DNAJC6: variants seen among roughly 807,000 people sequenced by gnomAD.
DNAJC6 encodes auxilin.
A neutral mutation model predicts 110.0 loss-of-function variants in DNAJC6; 34 were observed. The ratio of observed to expected loss-of-function variants is 0.31; its 90% CI spans 0.24 to 0.41. The LOEUF is 0.41. DNAJC6 is among the 10% of genes least tolerant of loss of function. The probability of loss-of-function intolerance (pLI) is 1.00; values close to 1 mark genes in which losing one functional copy is unlikely to be tolerated. For synonymous variants in DNAJC6, 406 were observed against 437.2 expected (o/e 0.93, Z 0.89); for missense variants, 1,031 against 1,207.8 (o/e 0.85, Z 2.17).
At chr1:65,407,398 A>G (rs566944863) in intron 16 of DNAJC6, among the ~76,000 whole-genome samples, 4 of 152,174 alleles carry the variant, frequency 2.6e-5, no homozygotes, top group Non-Finnish European at 5.9e-5. Flanking sequence ...ACCGCATATC[A>G]TAGGAAGCTG....
chr1:65,316,182 G>T (rs777928797), intron 1 of DNAJC6, among the ~76,000 whole-genome samples: 1 of 152,104 alleles, frequency 6.6e-6, no homozygotes, highest in Non-Finnish European at 1.5e-5. Context: ...GCCCTTTGTG[G>T]CACCTGTGAA....
chr1:65,339,853 A>G (rs866302671), intron 1 of DNAJC6, among the ~76,000 whole-genome samples: 12 of 152,296 alleles, frequency 7.9e-5, no homozygotes, highest in African/African-American at 2.4e-4. Flanking sequence ...AACAGAAGCC[A>G]TGGTGGAGAT....
intron 5 of DNAJC6, among the ~76,000 whole-genome samples, chr1:65,380,921 G>GTTTTTTTTTTTTTTTTTTTTTTTT (rs1162044500): frequency 4.0e-5 from 4 of 99,326 alleles, no homozygotes; most frequent in African/African-American, 2.2e-4. Flanking sequence ...GTTTTGTTTT[G>GTTTTTTTTTTTTTTTTTTTTTTTT]TTTTTTTTTT....
chr1:65,402,452 A>G (rs1335608205), intron 15 of DNAJC6, among the ~76,000 whole-genome samples: 1 of 152,236 alleles, frequency 6.6e-6, no homozygotes, highest in Non-Finnish European at 1.5e-5. Context: ...ATTGGGAAGC[A>G]CTGGTTTCAG....
intron 8 of DNAJC6, among the ~76,000 whole-genome samples, chr1:65,388,110 G>T (rs1420742369): frequency 6.6e-6 from 1 of 152,188 alleles, no homozygotes; most frequent in African/African-American, 2.4e-5. Flanking sequence ...CAAGAACATA[G>T]TATTTAGCGG....
intron 1 of DNAJC6, among the ~76,000 whole-genome samples, chr1:65,266,011 G>T (rs577841): frequency 0.75 from 114,175 of 152,248 alleles, 43,499 homozygotes; most frequent in East Asian, 0.98. Flanking sequence ...CCCGGCGCTT[G>T]CCCCTTGGGC....
intron 1 of DNAJC6, among the ~76,000 whole-genome samples, chr1:65,300,060 A>AAAG (rs1553135519): frequency 5.3e-5 from 8 of 149,798 alleles, no homozygotes; most frequent in African/African-American, 2.0e-4. Flanking sequence ...AAAAAAAAAA[A>AAAG]AAAGAAAAAA....
At chr1:65,376,755 A>G (rs938742313) in intron 4 of DNAJC6, among the ~76,000 whole-genome samples, 4 of 150,804 alleles carry the variant, frequency 2.7e-5, no homozygotes, top group Admixed American at 2.6e-4. Context: ...TTTCTATTTT[A>G]TTTATTTATT....
intron 1 of DNAJC6, among the ~76,000 whole-genome samples, chr1:65,344,142 C>T (rs1319261799): frequency 1.3e-5 from 2 of 152,160 alleles, no homozygotes; most frequent in Admixed American, 1.3e-4. Flanking sequence ...TTTTCTATGC[C>T]ATTTGTGGTG....
chr1:65,407,854 T>C (rs1646092213), intron 16 of DNAJC6, among the ~76,000 whole-genome samples: 1 of 152,244 alleles, frequency 6.6e-6, no homozygotes, highest in Admixed American at 6.5e-5. Context: ...GGTTTTCAAC[T>C]CAAAAACTGA....
rs138306098 is a variant in DNAJC6, at chr1:65,317,053, C to T, written c.193+7115C>T. Among the ~76,000 whole-genome samples the T allele has an allele frequency of 2.2e-4, 34 of 152,112 alleles. No individual in the cohort carries two copies. In the East Asian group the frequency reaches 6.0e-3, roughly 27 times the overall value. On this transcript the variant is annotated intron_variant, in intron 1 of 18. Coordinates refer to ENST00000371069, the MANE Select transcript of DNAJC6 (RefSeq NM_001256864.2). ...GGTGTCATTAAGTTTTAATCTTAGC[C>T]ATTTTCAGGTTTAATATTAAAAGTT...
intron 1 of DNAJC6, among the ~76,000 whole-genome samples, chr1:65,362,379 T>G (rs988895674): frequency 2.0e-5 from 3 of 152,246 alleles, no homozygotes; most frequent in African/African-American, 7.2e-5. Flanking sequence ...ATATTTTTAT[T>G]ATTCTTTATT....
chr1:65,334,584 G>A (rs1645318419), intron 1 of DNAJC6, among the ~76,000 whole-genome samples: 1 of 152,196 alleles, frequency 6.6e-6, no homozygotes, highest in Non-Finnish European at 1.5e-5. Context: ...ATGAACGGGA[G>A]TGATAAGATA....
intron 15 of DNAJC6, among the ~76,000 whole-genome samples, chr1:65,402,887 A>T (rs1646043121): frequency 6.6e-6 from 1 of 152,230 alleles, no homozygotes; most frequent in African/African-American, 2.4e-5. Context: ...TTCAAATTTT[A>T]AAGTAATATT....
upstream of DNAJC6, among the ~76,000 whole-genome samples, chr1:65,304,734 AG>A (rs368338677): frequency 1.3e-3 from 199 of 152,298 alleles, 3 homozygotes; most frequent in African/African-American, 4.4e-3. Flanking sequence ...TTTCTCCTTA[AG>A]GTTTTGCCAC....
At position 65,349,127 on chromosome 1, in the gene DNAJC6, T is replaced by TAAATATATATGTAAATATATATATAA. The variant is rs60838839; in HGVS notation, c.194-15484_194-15483insAAAAATATATATGTAAATATATATAT. ...AAATAAATATGTAAATATATATATA[T>TAAATATATATGTAAATATATATATAA]AAATATATATGTAAATATATATATT... On this transcript the variant is annotated intron_variant, in intron 1 of 18. Coordinates refer to ENST00000371069, the MANE Select transcript of DNAJC6 (RefSeq NM_001256864.2). 3.0e-3 allele frequency among the ~76,000 whole-genome samples: 407 copies of TAAATATATATGTAAATATATATATAA among 135,992 alleles called. 15 individuals are homozygous for TAAATATATATGTAAATATATATATAA. The South Asian group carries it at 0.066, about 22-fold the overall frequency. 89.2% of individuals were successfully genotyped at this position (135,992 alleles called of 152,430 possible).
At chr1:65,271,424 T>A (rs1570194356) in intron 1 of DNAJC6, among the ~76,000 whole-genome samples, 1 of 152,092 alleles carries the variant, frequency 6.6e-6, no homozygotes. Context: ...TGCCCCCACC[T>A]CCCAGCCTCT....
In DNAJC6 at chr1:65,309,646, A is replaced by AC; in HGVS notation, c.-100_-99insC. On this transcript the variant is annotated 5_prime_UTR_variant, in exon 1 of 19. It removes the in-frame stop codon of an upstream open reading frame in the 5' UTR. Transcript: ENST00000371069. ...CCTCTTTGCGTCATGTCGGGCACTT[A>AC]ATTTTTTTTTTTTTTTAATTCCTTC... The AC allele has an allele frequency of 7.2e-7, 1 of 1,397,312 alleles. No homozygotes were observed. Among genetic ancestry groups the AC allele is most frequent in the Non-Finnish European group, 9.3e-7 (1 of 1,075,830 alleles). The allele number at this position is 1,397,312 out of a possible 1,614,324, so 86.6% of individuals were successfully genotyped here.
chr1:65,368,634 C>G (rs1023032849), intron 4 of DNAJC6, among the ~76,000 whole-genome samples: 1 of 150,188 alleles, frequency 6.7e-6, no homozygotes, highest in African/African-American at 2.5e-5. Context: ...TCCTTCTCCT[C>G]CTCCTCATTC....
Sources: gnomAD v4.1 joint callset for allele counts (sites outside exome capture counted in the v4.1 genomes callset) on GRCh38, gnomAD v4.1.1 for gene constraint, MANE v1.5 for transcripts, NCBI Gene and HGNC (gene_info 2026-07-23, HGNC 2026-07-21) for gene names.